The following SUCO variants were observed in gnomAD, a reference collection of about 807,000 sequenced individuals.
SUCO encodes SUN domain containing ossification factor, also known as SUN domain-containing ossification factor.
A neutral mutation model predicts 148.1 loss-of-function variants in SUCO; 57 were observed. The ratio of observed to expected loss-of-function variants is 0.38; its 90% CI spans 0.31 to 0.48. The LOEUF is 0.48. Ranked by LOEUF, SUCO falls within the 20% of genes least tolerant of loss-of-function variation. The pLI is 0.96. For synonymous variants in SUCO, 470 were observed against 502.7 expected (o/e 0.93, Z 0.87); for missense variants, 1,331 against 1,468.2 (o/e 0.91, Z 1.53).
chr1:172,582,501 C>T lies in SUCO; in HGVS notation c.1499-2517C>T, dbSNP rs77783478. Among the ~76,000 whole-genome samples the T allele has an allele frequency of 5.9e-5, 9 of 152,052 alleles. No homozygotes were observed. The East Asian group carries it at 7.7e-4, about 13-fold the overall frequency. ...GCATTTTATTCCTAAAGGAATGAGGCGGGATGAATAAGTTGCCCAATTCAA... is the reference window on the plus strand; with the variant it reads ...GCATTTTATTCCTAAAGGAATGAGGTGGGATGAATAAGTTGCCCAATTCAA... On this transcript the variant is annotated intron_variant, in intron 15 of 23. Transcript: ENST00000263688.
intron 15 of SUCO, among the ~76,000 whole-genome samples, chr1:172,583,235 G>A (rs151043196): frequency 1.3e-5 from 2 of 152,060 alleles, no homozygotes; most frequent in Non-Finnish European, 2.9e-5. Flanking sequence ...ATCTCATACC[G>A]CAGCATCTCT....
chr1:172,560,649 C>G (rs953977032), intron 6 of SUCO, among the ~76,000 whole-genome samples: 13 of 152,208 alleles, frequency 8.5e-5, no homozygotes, highest in Non-Finnish European at 2.9e-5. Context: ...TCATTTACTT[C>G]TGGTGTTACT....
Position 172,610,142 on chromosome 1 carries a change from A to G in SUCO, c.3648A>G (p.Ile1216Met). ...AAGTCCAAGACCAAGGAAAATTGAT[A>G]AAAACTCTAATACAGACTAAGTCGG... ...RSKVQDQGKL[I>M]KTLIQTKSGS... Residue 1216 changes from isoleucine (I) to methionine (M), a missense_variant, in exon 24 of 24, where the codon ATA (isoleucine) becomes ATG (methionine). Physicochemically the swap from Ile to Met is conservative, Grantham distance 10. Around this residue, in one of 3 missense-constraint regions of SUCO, gnomAD observed 334 missense variants for 352.3 expected, o/e 0.95. Coordinates refer to ENST00000263688, the MANE Select transcript of SUCO (RefSeq NM_014283.5). 3 of 1,613,744 alleles carry G rather than the reference A, an allele frequency of 1.9e-6. No individual in the cohort carries two copies. The highest frequency in any genetic ancestry group is 2.5e-6 in the Non-Finnish European group (3 of 1,179,842).
At chr1:172,593,430 T>C (rs986747611) in intron 19 of SUCO, among the ~76,000 whole-genome samples, 1 of 152,198 alleles carries the variant, frequency 6.6e-6, no homozygotes, top group Non-Finnish European at 1.5e-5. Flanking sequence ...ATAGCTCTTA[T>C]TATTTTGAGC....
At chr1:172,602,883 C>CA (rs1657624233) in intron 22 of SUCO, 96 bp downstream of exon 22, 5 of 1,025,350 alleles carry the variant, frequency 4.9e-6, no homozygotes, top group East Asian at 2.4e-5. Context: ...CCATCTGCAA[C>CA]AAAAAATGGA....
intron 1 of SUCO, 103 bp downstream of exon 1, chr1:172,533,600 T>G (rs996960603): frequency 2.2e-6 from 3 of 1,389,668 alleles, no homozygotes; most frequent in Non-Finnish European, 2.9e-6. Flanking sequence ...GGTCCGGGTT[T>G]CCAAGGCCCC....
intron 1 of SUCO, among the ~76,000 whole-genome samples, chr1:172,545,819 T>C (rs1405780486): frequency 6.6e-6 from 1 of 152,220 alleles, no homozygotes; most frequent in Non-Finnish European, 1.5e-5. Flanking sequence ...TTTCAGTTCC[T>C]CCTAATAAGT....
chr1:172,575,226 A>C (rs916663477), intron 10 of SUCO, among the ~76,000 whole-genome samples: 3 of 151,944 alleles, frequency 2.0e-5, no homozygotes, highest in Non-Finnish European at 4.4e-5. Flanking sequence ...TTCTTCCAAG[A>C]CAGTCTCTTG....
At chr1:172,561,156 A>G (rs1488826149) in intron 6 of SUCO, among the ~76,000 whole-genome samples, 1 of 152,248 alleles carries the variant, frequency 6.6e-6, no homozygotes, top group African/African-American at 2.4e-5. Flanking sequence ...TATTCAGAGC[A>G]TTGCAGGGAA....
intron 1 of SUCO, chr1:172,542,605 C>T (rs556122033): frequency 9.6e-5 from 28 of 290,770 alleles, no homozygotes; most frequent in Non-Finnish European, 1.4e-4. Context: ...GAACCACACA[C>T]GCGAGGGATC....
chr1:172,587,695 A>T (rs1001321376), intron 17 of SUCO, among the ~76,000 whole-genome samples: 18 of 152,030 alleles, frequency 1.2e-4, no homozygotes, highest in South Asian at 2.1e-4. Flanking sequence ...ATACTATTTT[A>T]TTACTTTCTT....
chr1:172,605,775 T>C (rs574708887), intron 22 of SUCO, among the ~76,000 whole-genome samples: 43 of 151,938 alleles, frequency 2.8e-4, no homozygotes, highest in African/African-American at 9.9e-4. Flanking sequence ...AGTTTTGTTT[T>C]TTCCTTTGCA....
intron 17 of SUCO, chr1:172,588,341 A>G (rs1166729796): frequency 3.0e-6 from 3 of 985,254 alleles, no homozygotes; most frequent in African/African-American, 3.5e-5. Flanking sequence ...GACCTTATTT[A>G]AGCTAGTTTA....
At chr1:172,566,304 CTTGCTGTTTCT>C (rs1232163498) in intron 6 of SUCO, among the ~76,000 whole-genome samples, 1 of 152,242 alleles carries the variant, frequency 6.6e-6, no homozygotes, top group African/African-American at 2.4e-5. Context: ...TTGCTGTTTT[CTTGCTGTTTCT>C]CTGACTGCCA....
At chr1:172,607,189 T>C (rs1240934418) in intron 22 of SUCO, among the ~76,000 whole-genome samples, 1 of 151,930 alleles carries the variant, frequency 6.6e-6, no homozygotes, top group East Asian at 1.9e-4. Context: ...TTACTCAGGG[T>C]ATGTTGTGTC....
chr1:172,600,228 A>G, intron 20 of SUCO, 60 bp downstream of exon 20: 1 of 1,207,296 alleles, frequency 8.3e-7, no homozygotes, highest in Non-Finnish European at 1.2e-6. Flanking sequence ...TCATAAAGCC[A>G]GGCTTGTTAA....
chr1:172,574,844 T>G, intron 10 of SUCO: 3 of 983,628 alleles, frequency 3.0e-6, no homozygotes, highest in Non-Finnish European at 3.6e-6. Context: ...ATACAGTTTT[T>G]GAAATCGGTT....
At chr1:172,609,192 A>T (rs1658053642) in intron 23 of SUCO, 1 of 927,764 alleles carries the variant, frequency 1.1e-6, no homozygotes, top group African/African-American at 1.8e-5. Context: ...AATCCTCACC[A>T]CAACCTGAAG....
Position 172,610,006 on chromosome 1 carries a change from C to T in SUCO, c.3512C>T (p.Ser1171Leu). The change falls in exon 24 of 24, where the codon TCA becomes TTA. Residue 1171 changes from serine to leucine, a missense_variant. Ser to Leu is a moderately radical substitution (Grantham distance 145, BLOSUM62 -2). Coordinates refer to ENST00000263688, the MANE Select transcript of SUCO (RefSeq NM_014283.5). ...TCTGAAGGAAGCTCAGAAACTTCAT[C>T]ACAGTCAGAAGAGTCCTATTTTTGT... ...PPSEGSSETS[S>L]QSEESYFCGI... The T allele has an allele frequency of 6.2e-7, 1 of 1,613,982 alleles. No homozygotes were observed. Among genetic ancestry groups the T allele is most frequent in the Non-Finnish European group, 8.5e-7 (1 of 1,179,904 alleles).
Sources: allele counts gnomAD v4.1 joint callset (sites outside exome capture counted in the v4.1 genomes callset), GRCh38; gene constraint gnomAD v4.1.1; regional missense constraint gnomAD v4.1.1; transcripts MANE v1.5; gene names NCBI Gene and HGNC (gene_info 2026-07-23, HGNC 2026-07-21).